The following CLCNKA variants were observed in gnomAD, a reference collection of about 807,000 sequenced individuals.
CLCNKA encodes the protein chloride channel protein ClC-Ka.
CLCNKA carries 66 observed loss-of-function variants against 83.3 expected under a neutral mutation model. The observed-to-expected ratio is 0.79, with a 90% confidence interval of 0.65 to 0.97. CLCNKA has a LOEUF of 0.97. Ranked by LOEUF, CLCNKA falls within the 50% of genes least tolerant of loss-of-function variation. The pLI is 0.00. For synonymous variants in CLCNKA, 357 were observed against 370.4 expected, an observed-to-expected ratio of 0.96 and a Z score of 0.42; for missense variants, 806 against 888.7, an observed-to-expected ratio of 0.91 and a Z score of 1.18.
At position 16,032,703 on chromosome 1, in the gene CLCNKA, G is replaced by A. The variant is rs532370152; in HGVS notation, c.1929+177G>A. On this transcript the variant is annotated intron_variant, in intron 18 of 19. Coordinates refer to ENST00000331433, the MANE Select transcript of CLCNKA (RefSeq NM_004070.4). Reference sequence around the variant, plus strand: ...CGTCGCCCCTCACTGCCAGGGTTGCGGGGATGATGCAGAGAGATGAGGGAA... The same window carrying A: ...CGTCGCCCCTCACTGCCAGGGTTGCAGGGATGATGCAGAGAGATGAGGGAA... Among the ~76,000 whole-genome samples, 28 of 152,294 alleles carry A rather than the reference G, an allele frequency of 1.8e-4. No homozygotes were observed. The East Asian group carries it at 3.7e-3, about 20-fold the overall frequency.
chr1:16,027,697 A>C, intron 8 of CLCNKA, 124 bp from the exon 9 acceptor site: 1 of 1,529,084 alleles, frequency 6.5e-7, no homozygotes, highest in Non-Finnish European at 8.9e-7. Flanking sequence ...GGGGGCCTGG[A>C]ATGCCAGGAC....
intron 15 of CLCNKA, 85 bp downstream of exon 15, chr1:16,030,759 C>T (rs1423227081): frequency 7.0e-6 from 11 of 1,561,966 alleles, no homozygotes; most frequent in East Asian, 4.5e-5. Flanking sequence ...CAAAAAGAAA[C>T]ACCACCGCAG....
intron 8 of CLCNKA, 97 bp downstream of exon 8, chr1:16,027,532 CCTCT>C (rs2022418424): frequency 1.3e-6 from 2 of 1,554,134 alleles, no homozygotes; most frequent in Non-Finnish European, 8.7e-7. Context: ...TCTTCCCTTC[CCTCT>C]CTCTCCCTCT....
intron 3 of CLCNKA, among the ~76,000 whole-genome samples, chr1:16,024,253 A>G (rs1341942546): frequency 6.6e-6 from 1 of 152,176 alleles, no homozygotes; most frequent in Non-Finnish European, 1.5e-5. Flanking sequence ...ACTTGCCTAG[A>G]TCACCAAACT....
In CLCNKA at chr1:16,029,982, C is replaced by T. The variant is rs143185981; in HGVS notation, c.1315C>T (p.Leu439Phe). Reference sequence around the variant, plus strand: ...GTGGCCAGGAGCTGCCATCGGGCGCCTCTTGGGAGAGGCTCTTGCCGTCGC... The same window carrying T: ...GTGGCCAGGAGCTGCCATCGGGCGCTTCTTGGGAGAGGCTCTTGCCGTCGC... ...IFILGAAIGR[L>F]LGEALAVAFP... Residue 439 changes from leucine (L) to phenylalanine (F), a missense_variant, in exon 14 of 20, where the codon CTC becomes TTC. By Grantham distance (22) the Leu-to-Phe change is conservative (BLOSUM62 0). Coordinates refer to ENST00000331433, the MANE Select transcript of CLCNKA (RefSeq NM_004070.4). 5 of 1,611,840 alleles carry T rather than the reference C, an allele frequency of 3.1e-6. No homozygotes were observed. In the African/African-American group the frequency reaches 6.7e-5, roughly 22 times the overall value.
intron 1 of CLCNKA, among the ~76,000 whole-genome samples, chr1:16,022,301 G>T (rs2022162190): frequency 6.6e-6 from 1 of 152,092 alleles, no homozygotes; most frequent in South Asian, 2.1e-4. Flanking sequence ...CACAGCCCTG[G>T]GCAGAGACTG....
At chr1:16,029,466 T>C (rs367794515) in intron 12 of CLCNKA, 167 bp downstream of exon 12, 46 of 1,139,340 alleles carry the variant, frequency 4.0e-5, no homozygotes, top group East Asian at 3.8e-4. Flanking sequence ...TTCAGGTCTC[T>C]GGACCTCAGT....
In CLCNKA at chr1:16,028,044, C is replaced by A; in HGVS notation, c.893C>A (p.Ala298Asp). The A allele has an allele frequency of 1.2e-6, 2 of 1,613,842 alleles. No individual in the cohort carries two copies. Among genetic ancestry groups the A allele is most frequent in the Non-Finnish European group, 1.7e-6 (2 of 1,179,852 alleles). The change falls in exon 10 of 20, where the codon GCT (alanine) becomes GAT (aspartate). Residue 298 changes from alanine to aspartate, a missense_variant. Physicochemically the swap from Ala to Asp is moderately radical, Grantham distance 126. Coordinates refer to ENST00000331433, the MANE Select transcript of CLCNKA (RefSeq NM_004070.4). ...GGCATCTGCGGCGTCCTGAGCTGTG[C>A]TTACCTCTTCTGTCAGCGAACCTTC... ...LGGICGVLSC[A>D]YLFCQRTFLS... is the part of the protein sequence containing the mutation.
At chr1:16,026,049 TG>T in intron 4 of CLCNKA, 58 bp from the exon 5 acceptor site, 1 of 1,610,234 alleles carries the variant, frequency 6.2e-7, no homozygotes. Flanking sequence ...CCACTGCGCC[TG>T]GCAGAGAGTT....
intron 19 of CLCNKA, 109 bp from the exon 20 acceptor site, chr1:16,033,502 G>A (rs2022720287): frequency 9.8e-7 from 1 of 1,019,676 alleles, no homozygotes. Context: ...GGTGGCACAG[G>A]CTCTACTATT....
rs2022491122 is a variant in CLCNKA at position 16,028,788 on chromosome 1, C to A, written c.996C>A (p.Thr332=). The change falls in exon 11 of 20, where the codon ACC becomes ACA. Residue 332 remains threonine, a synonymous_variant. Transcript: ENST00000331433. Reference sequence around the variant, plus strand: ...AGCCTGTGTACTCCGCTCTGGCCACCTTGCTTCTCGCCTCCATCACCTACC... The same window carrying A: ...AGCCTGTGTACTCCGCTCTGGCCACATTGCTTCTCGCCTCCATCACCTACC... The part of the protein sequence containing the change: ...TSKPVYSALA[T]LLLASITYPP... 1 of 1,614,062 alleles carries A rather than the reference C, an allele frequency of 6.2e-7. No homozygotes were observed. Among genetic ancestry groups the A allele is most frequent in the Admixed American group, 1.7e-5 (1 of 60,006 alleles).
chr1:16,025,257 A>G (rs2022302903), intron 4 of CLCNKA, among the ~76,000 whole-genome samples: 2 of 152,246 alleles, frequency 1.3e-5, no homozygotes, highest in South Asian at 4.1e-4. Context: ...GAGCTCCCCC[A>G]TCCTGACACA....
chr1:16,022,573 A>G, intron 1 of CLCNKA, 40 bp from the exon 2 acceptor site: 1 of 1,454,172 alleles, frequency 6.9e-7, no homozygotes. Context: ...GAGGACGTGC[A>G]GCAGCTCACC....
chr1:16,029,061 G>C, intron 11 of CLCNKA, 65 bp from the exon 12 acceptor site: 2 of 1,582,660 alleles, frequency 1.3e-6, no homozygotes, highest in Non-Finnish European at 1.7e-6. Context: ...AGGCGGTGCG[G>C]GGGAGGCTGG....
rs2022496583 is a variant in CLCNKA, at chr1:16,028,881, AC to A, written c.1053+41del. 3 of 1,605,250 alleles carry A rather than the reference AC, an allele frequency of 1.9e-6. No homozygotes were observed. In the East Asian group the frequency reaches 6.7e-5, roughly 36 times the overall value. On this transcript the variant is annotated intron_variant, in intron 11 of 19. Transcript: ENST00000331433. The stretch of plus-strand genomic sequence containing the variant: ...CTGAGCGGGGGTGGCAGGAGTGGGA[AC>A]CCCCATTTGTTTTCCCCTTTGCATG...
intron 16 of CLCNKA, 54 bp downstream of exon 16, chr1:16,031,897 C>G (rs1276468467): frequency 4.3e-6 from 7 of 1,611,576 alleles, no homozygotes; most frequent in Non-Finnish European, 1.7e-6. Context: ...CCTCTGCCTC[C>G]TTCTTGAACC....
intron 18 of CLCNKA, among the ~76,000 whole-genome samples, 188 bp from the exon 19 acceptor site, chr1:16,032,982 G>A (rs762425217): frequency 3.9e-5 from 6 of 152,108 alleles, no homozygotes; most frequent in Non-Finnish European, 8.8e-5. Context: ...TTGCAGCCCC[G>A]CCCAGACCCT....
Position 16,027,715 on chromosome 1 carries a change from C to T in CLCNKA, c.782-106C>T. 3 of 1,493,596 alleles carry T rather than the reference C, an allele frequency of 2.0e-6. No homozygotes were observed. The Admixed American group carries it at 5.8e-5, about 29-fold the overall frequency. The allele number at this position is 1,493,596 out of a possible 1,614,324, so 92.5% of individuals were successfully genotyped here. ...GGCCTGGAATGCCAGGACACAGATT[C>T]CGAGTCAGGACCTGGCACCCCCTCC... On this transcript the variant is annotated intron_variant, in intron 8 of 19. Transcript: ENST00000331433.
intron 3 of CLCNKA, among the ~76,000 whole-genome samples, 200 bp downstream of exon 3, chr1:16,024,128 A>G (rs542101955): frequency 1.4e-4 from 21 of 152,304 alleles, no homozygotes; most frequent in Admixed American, 7.8e-4. Flanking sequence ...CCGCACAAGG[A>G]AGAGAGACCT....
Sources: gnomAD v4.1 joint callset for allele counts (sites outside exome capture counted in the v4.1 genomes callset) on GRCh38, gnomAD v4.1.1 for gene constraint, MANE v1.5 for transcripts, NCBI Gene and HGNC (gene_info 2026-07-23, HGNC 2026-07-21) for gene names.